Variants in ANKS1A observed in about 807,000 individuals in gnomAD.
ANKS1A encodes the protein ankyrin repeat and SAM domain-containing protein 1A.
In ANKS1A, 55 loss-of-function variants were observed where a neutral mutation model predicts 120.3. The observed-to-expected ratio is 0.46, with a 90% CI of 0.37 to 0.57. The LOEUF (loss-of-function observed/expected upper bound fraction) is 0.57. Among genes scored for constraint, ANKS1A ranks in the 20% least tolerant of loss-of-function variants. ANKS1A has a pLI of 0.00. For missense variants in ANKS1A, 1,123 were observed against 1,480.3 expected (o/e 0.76, Z 3.96); for synonymous variants, 590 against 604.7 (o/e 0.98, Z 0.36).
intron 1 of ANKS1A, among the ~76,000 whole-genome samples, chr6:34,959,503 A>G (rs1535001): frequency 0.46 from 70,371 of 152,112 alleles, 21,545 homozygotes; most frequent in African/African-American, 0.85. Context: ...TGGTATGAAT[A>G]AGCAGGATAA....
At chr6:35,000,974 A>G (rs1372658341) in intron 10 of ANKS1A, among the ~76,000 whole-genome samples, 1 of 152,198 alleles carries the variant, frequency 6.6e-6, no homozygotes, top group Non-Finnish European at 1.5e-5. Flanking sequence ...TAAAAATGCA[A>G]CAGGTTTTTC....
chr6:34,968,341 G>A (rs1770999201), intron 2 of ANKS1A, among the ~76,000 whole-genome samples: 1 of 152,186 alleles, frequency 6.6e-6, no homozygotes, highest in Admixed American at 6.5e-5. Flanking sequence ...GGGTTTGCCA[G>A]GATGTTGAAG....
In ANKS1A at chr6:35,001,629, T is replaced by A. The variant is rs181935347; in HGVS notation, c.1423+7207T>A. ...CTCACGACAGGGAAGAAATTTAGCA[T>A]TCCTTGGAGACCTGAAAGGATGCAG... On this transcript the variant is annotated intron_variant, in intron 10 of 23. Transcript: ENST00000360359. 2.4e-3 allele frequency among the ~76,000 whole-genome samples: 359 copies of A among 152,358 alleles called. 1 individual carries two copies. Among genetic ancestry groups the A allele is most frequent in the Admixed American group, 6.1e-3 (93 of 15,308 alleles).
At chr6:34,895,736 A>G (rs1480035466) in intron 1 of ANKS1A, among the ~76,000 whole-genome samples, 2 of 151,570 alleles carry the variant, frequency 1.3e-5, no homozygotes. Flanking sequence ...GTCTTCCACT[A>G]AACTATCTTA....
intron 1 of ANKS1A, among the ~76,000 whole-genome samples, chr6:34,925,766 T>G (rs1231763439): frequency 1.3e-5 from 2 of 152,190 alleles, no homozygotes; most frequent in African/African-American, 4.8e-5. Context: ...AGGGCAATTT[T>G]GGCACCTTCC....
chr6:34,985,420 T>C, intron 8 of ANKS1A, 142 bp downstream of exon 8: 3 of 754,664 alleles, frequency 4.0e-6, no homozygotes, highest in Non-Finnish European at 6.3e-6. Flanking sequence ...CTCTTCTTCA[T>C]GGGGCTCTGC....
At chr6:34,912,773 A>T (rs962991009) in intron 1 of ANKS1A, among the ~76,000 whole-genome samples, 1 of 152,172 alleles carries the variant, frequency 6.6e-6, no homozygotes, top group Admixed American at 6.5e-5. Context: ...TACATTTTGG[A>T]TGGATTGAAA....
chr6:34,928,445 C>T (rs1252398558), intron 1 of ANKS1A, among the ~76,000 whole-genome samples: 4 of 152,212 alleles, frequency 2.6e-5, no homozygotes, highest in African/African-American at 9.6e-5. Context: ...TTATCCCAAA[C>T]TCCCAAGTAA....
chr6:34,975,912 C>T (rs970970480), intron 3 of ANKS1A, among the ~76,000 whole-genome samples: 6 of 151,546 alleles, frequency 4.0e-5, no homozygotes, highest in East Asian at 1.9e-4. Flanking sequence ...CTGAGGCTGG[C>T]GGATTACTTG....
intron 1 of ANKS1A, among the ~76,000 whole-genome samples, chr6:34,923,702 A>T (rs1192736230): frequency 6.6e-6 from 1 of 152,206 alleles, no homozygotes; most frequent in Admixed American, 6.5e-5. Flanking sequence ...TGAGCAGGTT[A>T]TGGGGGAGAT....
intron 13 of ANKS1A, among the ~76,000 whole-genome samples, chr6:35,067,317 G>T (rs1776825325): frequency 6.6e-6 from 1 of 152,146 alleles, no homozygotes; most frequent in African/African-American, 2.4e-5. Flanking sequence ...TCCTCTCTGG[G>T]CCCATGCACC....
At chr6:35,062,863 T>C (rs1178455916) in intron 13 of ANKS1A, among the ~76,000 whole-genome samples, 1 of 152,246 alleles carries the variant, frequency 6.6e-6, no homozygotes, top group Non-Finnish European at 1.5e-5. Context: ...CTGGCTGATG[T>C]AGAGCATTCT....
At chr6:35,023,319 C>T (rs907979626) in intron 11 of ANKS1A, among the ~76,000 whole-genome samples, 4 of 152,194 alleles carry the variant, frequency 2.6e-5, no homozygotes, top group Non-Finnish European at 5.9e-5. Context: ...CTGAGTGATA[C>T]AGCAGTTTTT....
At chr6:35,079,417 C>G (rs1777541150) in intron 14 of ANKS1A, 99 bp from the exon 15 acceptor site, 20 of 1,500,608 alleles carry the variant, frequency 1.3e-5, no homozygotes, top group Non-Finnish European at 1.8e-5. Flanking sequence ...CAGAGGGCCC[C>G]CTGGCCACAG....
chr6:34,964,695 T>C (rs970058271), intron 1 of ANKS1A, among the ~76,000 whole-genome samples: 1 of 152,232 alleles, frequency 6.6e-6, no homozygotes, highest in Non-Finnish European at 1.5e-5. Flanking sequence ...AGCAGTCCTG[T>C]ACCAGCATGT....
chr6:35,065,207 G>GC (rs915499743), intron 13 of ANKS1A, among the ~76,000 whole-genome samples: 10 of 145,598 alleles, frequency 6.9e-5, no homozygotes, highest in South Asian at 2.3e-4. Flanking sequence ...TGCACCTCTT[G>GC]CCCCCCCTCC....
At chr6:35,070,967 G>C in intron 13 of ANKS1A, 2 of 589,570 alleles carry the variant, frequency 3.4e-6, no homozygotes, top group Non-Finnish European at 6.4e-6. Context: ...CACTTTCCAG[G>C]GTTTCCCCTC....
rs1404628225 is a variant in ANKS1A at position 34,983,389 on chromosome 6, A to T, written c.976A>T (p.Ile326Phe). 2 of 1,613,342 alleles carry T rather than the reference A, an allele frequency of 1.2e-6. No individual in the cohort carries two copies. Among genetic ancestry groups the T allele is most frequent in the Non-Finnish European group, 1.7e-6 (2 of 1,179,626 alleles). ...AACCCCCCCACCCCAGCCACCTCTC[A>T]TCTCCAGTATGGACTCCATATCACA... ...DKTPPPQPPL[I>F]SSMDSISQKS... Residue 326 changes from isoleucine to phenylalanine, a missense_variant, in exon 7 of 24, where the codon ATC becomes TTC. By Grantham distance (21) the Ile-to-Phe change is conservative. Coordinates refer to ENST00000360359, the MANE Select transcript of ANKS1A (RefSeq NM_015245.3).
At chr6:34,981,607 C>A in intron 3 of ANKS1A, 83 bp from the exon 4 acceptor site, 1 of 1,445,686 alleles carries the variant, frequency 6.9e-7, no homozygotes, top group Non-Finnish European at 9.5e-7. Context: ...ATTTAAACTT[C>A]AGTGGTTTTA....
Sources: gnomAD v4.1 joint callset for allele counts (sites outside exome capture counted in the v4.1 genomes callset) on GRCh38, gnomAD v4.1.1 for gene constraint, MANE v1.5 for transcripts, NCBI Gene and HGNC (gene_info 2026-07-23, HGNC 2026-07-21) for gene names.